CFH: variants seen among roughly 807,000 people sequenced by gnomAD.
The protein encoded by CFH is H factor 1 (complement).
A neutral mutation model predicts 147.3 loss-of-function variants in CFH; 53 were observed. The observed-to-expected ratio is 0.36, with a 90% CI of 0.29 to 0.45. The LOEUF is 0.45. CFH is among the 20% of genes least tolerant of loss of function. The pLI is 1.00. For synonymous variants in CFH, 536 were observed against 489.4 expected (o/e 1.10, Z -1.26); for missense variants, 1,380 against 1,498.0 (o/e 0.92, Z 1.30).
chr1:196,747,047 C>T, intron 21 of CFH, 64 bp from the exon 22 acceptor site: 1 of 1,603,992 alleles, frequency 6.2e-7, no homozygotes, highest in Admixed American at 1.7e-5. Context: ...TACTTGAAAA[C>T]CTGAAAGTCT....
intron 10 of CFH, 120 bp from the exon 11 acceptor site, chr1:196,715,473 G>C: frequency 1.3e-6 from 1 of 753,128 alleles, no homozygotes; most frequent in Non-Finnish European, 2.3e-6. Context: ...GATTATTTTT[G>C]TACGGTACCT....
chr1:196,697,385 G>T (rs1259689810), intron 9 of CFH, among the ~76,000 whole-genome samples: 1 of 152,194 alleles, frequency 6.6e-6, no homozygotes, highest in Admixed American at 6.5e-5. Flanking sequence ...CATTTATGCA[G>T]CCAAAAGACA....
chr1:196,715,556 A>G (rs1558174004), intron 10 of CFH, 37 bp from the exon 11 acceptor site: 2 of 1,478,854 alleles, frequency 1.4e-6, no homozygotes, highest in Admixed American at 3.4e-5. Flanking sequence ...TTATTAGATG[A>G]CATTAGAAAT....
intron 9 of CFH, among the ~76,000 whole-genome samples, chr1:196,712,581 G>T (rs1395124354): frequency 1.3e-5 from 2 of 151,362 alleles, no homozygotes; most frequent in African/African-American, 4.9e-5. Flanking sequence ...AAGCAACCTA[G>T]TAAACGACAG....
At chr1:196,692,583 T>G (rs1460332923) in intron 9 of CFH, among the ~76,000 whole-genome samples, 1 of 93,900 alleles carries the variant, frequency 1.1e-5, no homozygotes, top group Non-Finnish European at 2.2e-5. Context: ...TTTTCTTTCT[T>G]TCTTTCCTTC....
chr1:196,714,666 T>G (rs867715830), intron 10 of CFH, among the ~76,000 whole-genome samples: 3,893 of 27,304 alleles, frequency 0.14, 110 homozygotes, highest in East Asian at 0.18. Flanking sequence ...TATATATATA[T>G]ATAGAGAGAG....
chr1:196,702,102 T>C (rs1668471576), intron 9 of CFH, among the ~76,000 whole-genome samples: 2 of 152,112 alleles, frequency 1.3e-5, no homozygotes, highest in African/African-American at 2.4e-5. Flanking sequence ...TTTGGACTGA[T>C]TTACAAGAAA....
chr1:196,678,138 G>A (rs1667519433), intron 5 of CFH: 1 of 167,360 alleles, frequency 6.0e-6, no homozygotes, highest in South Asian at 1.5e-4. Flanking sequence ...AGATACATTA[G>A]AATGACATTC....
At chr1:196,652,417 T>C (rs1386418755) in intron 1 of CFH, among the ~76,000 whole-genome samples, 5 of 151,892 alleles carry the variant, frequency 3.3e-5, no homozygotes, top group Non-Finnish European at 7.4e-5. Flanking sequence ...TTAATAAACA[T>C]TTCTGAAAAA....
intron 15 of CFH, among the ~76,000 whole-genome samples, chr1:196,729,895 C>T (rs1398228160): frequency 6.6e-6 from 1 of 151,850 alleles, no homozygotes; most frequent in Non-Finnish European, 1.5e-5. Context: ...AACGGTCTCT[C>T]ATTATACTTT....
intron 9 of CFH, chr1:196,692,526 CT>C (rs1176502054): frequency 6.7e-6 from 1 of 149,726 alleles, no homozygotes; most frequent in Non-Finnish European, 1.4e-5. Flanking sequence ...TCCTTCCTTC[CT>C]TTTTCTTTCT....
In CFH at chr1:196,743,530, A is replaced by C; in HGVS notation, c.3212A>C (p.Glu1071Ala). Residue 1071 changes from glutamate (E) to alanine (A), a missense_variant, in exon 20 of 22, where the codon GAG becomes GCG. Glu to Ala is a moderately radical substitution (Grantham distance 107). Coordinates refer to ENST00000367429, the MANE Select transcript of CFH (RefSeq NM_000186.4). ...SRQMSKYPSG[E>A]RVRYQCRSPY... is the part of the protein sequence containing the mutation. ...CAGATGAGTAAATATCCATCTGGTG[A>C]GAGAGTACGTTATCAATGTAGGAGC... 6.2e-7 allele frequency: 1 copy of C among 1,614,062 alleles called. No homozygotes were observed. The highest frequency in any genetic ancestry group is 8.5e-7 in the Non-Finnish European group (1 of 1,179,938).
chr1:196,682,004 G>A (rs776018814), intron 6 of CFH, among the ~76,000 whole-genome samples: 4 of 151,694 alleles, frequency 2.6e-5, no homozygotes, highest in Admixed American at 1.3e-4. Context: ...TAATATTAAA[G>A]TGAAATAATC....
Position 196,726,844 on chromosome 1 carries a change from T to A in CFH, c.2140T>A (p.Ser714Thr). ...LSSPPYYYGDSVEFNCSESFT... is the reference protein window; with the variant it reads ...LSSPPYYYGDTVEFNCSESFT... ...TTCCCCTCCTTATTACTATGGAGATTCAGTGGAATTCAATTGCTCAGAATC... is the reference window on the plus strand; with the variant it reads ...TTCCCCTCCTTATTACTATGGAGATACAGTGGAATTCAATTGCTCAGAATC... The change falls in exon 14 of 22, where the codon TCA becomes ACA. Residue 714 changes from serine to threonine, a missense_variant. By Grantham distance (58) the Ser-to-Thr change is moderately conservative. Around this residue, in one of 4 missense-constraint regions of CFH, gnomAD observed 830 missense variants for 821.4 expected, o/e 1.01. Transcript: ENST00000367429. 2 of 1,613,654 alleles carry A rather than the reference T, an allele frequency of 1.2e-6. No individual in the cohort carries two copies. The highest frequency in any genetic ancestry group is 1.7e-6 in the Non-Finnish European group (2 of 1,179,670).
intron 9 of CFH, among the ~76,000 whole-genome samples, chr1:196,699,463 A>G (rs1668387610): frequency 6.6e-6 from 1 of 152,188 alleles, no homozygotes; most frequent in East Asian, 1.9e-4. Context: ...ATATTTTGCA[A>G]ATATTTTTCT....
intron 9 of CFH, among the ~76,000 whole-genome samples, chr1:196,712,144 G>T (rs531031169): frequency 4.6e-5 from 7 of 152,128 alleles, no homozygotes; most frequent in African/African-American, 1.7e-4. Context: ...GGAATTAGGT[G>T]CTTCCTGCTT....
intron 11 of CFH, among the ~76,000 whole-genome samples, chr1:196,718,849 C>T (rs1264659390): frequency 2.6e-5 from 4 of 152,022 alleles, no homozygotes; most frequent in African/African-American, 9.7e-5. Flanking sequence ...CATTTGAACA[C>T]ATAACTAGGA....
At chr1:196,652,778 AG>A (rs1333518279) in intron 1 of CFH, among the ~76,000 whole-genome samples, 2 of 151,844 alleles carry the variant, frequency 1.3e-5, no homozygotes, top group African/African-American at 4.8e-5. Context: ...TTTTTCCTGT[AG>A]TTGTATATAA....
rs572749191 is a variant in CFH, at chr1:196,741,120, A to C, written c.2956+328A>C. The C allele has an allele frequency of 9.5e-6, 3 of 316,348 alleles. No homozygotes were observed. The Admixed American group carries it at 1.4e-4, about 14-fold the overall frequency. The allele number at this position is 316,348 out of a possible 1,614,324, so 19.6% of individuals were successfully genotyped here. On this transcript the variant is annotated intron_variant, in intron 18 of 21. Transcript: ENST00000367429. The stretch of plus-strand genomic sequence containing the variant: ...CTGTCAGTTTATCAACAATCTGCCT[A>C]TAAGTACATTTTCTGAAATATTTTA...
Sources: gnomAD v4.1 joint callset for allele counts (sites outside exome capture counted in the v4.1 genomes callset) on GRCh38, gnomAD v4.1.1 for gene constraint, gnomAD v4.1.1 regional missense constraint, MANE v1.5 for transcripts, NCBI Gene and HGNC (gene_info 2026-07-23, HGNC 2026-07-21) for gene names.